Variants in DLGAP2 observed in about 807,000 individuals in gnomAD.
The protein encoded by DLGAP2 is disks large-associated protein 2.
Under a neutral mutation model 100.3 loss-of-function variants are expected in DLGAP2, and 26 were observed. That is an observed-to-expected ratio of 0.26 (90% CI 0.19 to 0.36). The LOEUF (loss-of-function observed/expected upper bound fraction) is 0.36, where lower values mean the gene tolerates loss of function less well. Ranked by LOEUF, DLGAP2 falls within the 10% of genes least tolerant of loss-of-function variation. DLGAP2 has a pLI of 1.00. For synonymous variants in DLGAP2, 886 were observed against 630.1 expected (o/e 1.41, Z -6.08); for missense variants, 1,858 against 1,453.2 (o/e 1.28, Z -4.53).
At chr8:836,937 C>T (rs1335298878) in intron 1 of DLGAP2, among the ~76,000 whole-genome samples, 2 of 152,236 alleles carry the variant, frequency 1.3e-5, no homozygotes, top group South Asian at 2.1e-4. Flanking sequence ...TGCTGCTGTT[C>T]TCCTTAGCAG....
At chr8:1,547,314 T>C (rs1173777882) in intron 4 of DLGAP2, among the ~76,000 whole-genome samples, 2 of 152,024 alleles carry the variant, frequency 1.3e-5, no homozygotes, top group Non-Finnish European at 2.9e-5. Context: ...GATGTGGCCC[T>C]GGGTGACAGG....
intron 12 of DLGAP2, among the ~76,000 whole-genome samples, chr8:1,690,866 T>A (rs1799242643): frequency 6.6e-6 from 1 of 152,090 alleles, no homozygotes; most frequent in African/African-American, 2.4e-5. Flanking sequence ...ACTGGGTACA[T>A]GGATTGGTGA....
chr8:1,286,359 A>G (rs1006713751), intron 3 of DLGAP2, among the ~76,000 whole-genome samples: 1 of 152,226 alleles, frequency 6.6e-6, no homozygotes, highest in Non-Finnish European at 1.5e-5. Flanking sequence ...TAGCAGTGTG[A>G]CAGCCGACTA....
At chr8:1,282,781 GGT>G (rs1196226076) in intron 3 of DLGAP2, among the ~76,000 whole-genome samples, 1 of 107,392 alleles carries the variant, frequency 9.3e-6, no homozygotes, top group Non-Finnish European at 1.9e-5. Context: ...ATACGGACAT[GGT>G]GTGACCTGAG....
intron 1 of DLGAP2, among the ~76,000 whole-genome samples, chr8:800,627 T>C (rs1280518106): frequency 6.6e-6 from 1 of 152,234 alleles, no homozygotes; most frequent in African/African-American, 2.4e-5. Flanking sequence ...TGTATGTTTA[T>C]ATGTGTGTGC....
At chr8:1,327,173 T>C (rs1801041334) in intron 3 of DLGAP2, among the ~76,000 whole-genome samples, 1 of 152,224 alleles carries the variant, frequency 6.6e-6, no homozygotes. Flanking sequence ...CGTCTCACAT[T>C]TCACCATTTA....
At chr8:1,687,178 T>C (rs1044162339) in intron 12 of DLGAP2, among the ~76,000 whole-genome samples, 17 of 152,204 alleles carry the variant, frequency 1.1e-4, no homozygotes, top group African/African-American at 3.9e-4. Flanking sequence ...CATTTCCGAC[T>C]CTCTGCAAAT....
At chr8:979,599 C>T (rs1800270851) in intron 2 of DLGAP2, among the ~76,000 whole-genome samples, 1 of 152,198 alleles carries the variant, frequency 6.6e-6, no homozygotes, top group South Asian at 2.1e-4. Context: ...AGTAATTTCT[C>T]ATTATCAGGT....
At chr8:1,207,524 C>T (rs7813426) in intron 2 of DLGAP2, among the ~76,000 whole-genome samples, 2 of 152,032 alleles carry the variant, frequency 1.3e-5, no homozygotes, top group Admixed American at 6.5e-5. Flanking sequence ...ATTGTGAATA[C>T]ACATGCATGT....
At chr8:1,388,775 G>A (rs1357736512) in intron 3 of DLGAP2, among the ~76,000 whole-genome samples, 14 of 123,636 alleles carry the variant, frequency 1.1e-4, no homozygotes, top group Non-Finnish European at 1.4e-4. Flanking sequence ...TGGATGAGGA[G>A]GCGCTGGTTC....
chr8:936,678 GCAAGGTCCTCTC>G (rs1369143855), intron 2 of DLGAP2, among the ~76,000 whole-genome samples: 1 of 152,180 alleles, frequency 6.6e-6, no homozygotes, highest in Non-Finnish European at 1.5e-5. Context: ...CAAGCTGAGT[GCAAGGTCCTCTC>G]TTTTTGTTTT....
chr8:866,169 C>T (rs1393192099), intron 1 of DLGAP2, among the ~76,000 whole-genome samples: 1 of 152,122 alleles, frequency 6.6e-6, no homozygotes, highest in Non-Finnish European at 1.5e-5. Flanking sequence ...GCCCTCGGTG[C>T]CTCTCACATA....
intron 1 of DLGAP2, among the ~76,000 whole-genome samples, chr8:827,565 A>G (rs115206052): frequency 0.041 from 6,315 of 152,232 alleles, 198 homozygotes; most frequent in African/African-American, 0.082. Context: ...TTAGAACAGT[A>G]TTTACATTTC....
chr8:878,289 G>C (rs1465483966), intron 1 of DLGAP2, among the ~76,000 whole-genome samples: 1 of 152,176 alleles, frequency 6.6e-6, no homozygotes, highest in Non-Finnish European at 1.5e-5. Context: ...AACAGAGCTA[G>C]AGTGTTTAGT....
At chr8:1,322,757 G>A (rs371491740) in intron 3 of DLGAP2, among the ~76,000 whole-genome samples, 2 of 152,234 alleles carry the variant, frequency 1.3e-5, no homozygotes, top group East Asian at 1.9e-4. Context: ...GGGAAACATA[G>A]ATCAGATCGG....
intron 2 of DLGAP2, among the ~76,000 whole-genome samples, chr8:1,047,064 T>TGCA (rs765252810): frequency 1.1e-4 from 17 of 152,352 alleles, no homozygotes; most frequent in Middle Eastern, 3.4e-3. Flanking sequence ...CACAGAGTTG[T>TGCA]GCAGCCATCA....
chr8:795,608 GGAGCAGGTGTCCAGTGA>G (rs755635928), intron 1 of DLGAP2, among the ~76,000 whole-genome samples: 5 of 139,694 alleles, frequency 3.6e-5, no homozygotes, highest in East Asian at 2.2e-4. Flanking sequence ...GGTCCGTCAT[GGAGCAGGTGTCCAGTGA>G]GAGCAGGCGT....
chr8:1,416,042 G>T (rs561274960), intron 3 of DLGAP2, among the ~76,000 whole-genome samples: 4 of 152,300 alleles, frequency 2.6e-5, no homozygotes, highest in African/African-American at 9.6e-5. Context: ...GGTGGAAAAT[G>T]CAAAATTATT....
intron 6 of DLGAP2, among the ~76,000 whole-genome samples, chr8:1,623,372 C>G (rs892638726): frequency 1.3e-5 from 2 of 151,674 alleles, no homozygotes; most frequent in African/African-American, 4.8e-5. Flanking sequence ...TGACCTGGAA[C>G]CAGTGCGTGA....
Sources: gnomAD v4.1 joint callset for allele counts (sites outside exome capture counted in the v4.1 genomes callset) on GRCh38, gnomAD v4.1.1 for gene constraint, MANE v1.5 for transcripts, NCBI Gene and HGNC (gene_info 2026-07-23, HGNC 2026-07-21) for gene names.